Variants in WDFY4 observed in about 807,000 individuals in gnomAD.
WDFY4 encodes the protein WD repeat- and FYVE domain-containing protein 4.
Under a neutral mutation model 351.9 loss-of-function variants are expected in WDFY4, and 169 were observed. The ratio of observed to expected loss-of-function variants is 0.48; its 90% confidence interval spans 0.42 to 0.55. The LOEUF is 0.55. Ranked by LOEUF, WDFY4 falls within the 20% of genes least tolerant of loss-of-function variation. The probability of loss-of-function intolerance (pLI) is 0.00; values close to 1 mark genes in which losing one functional copy is unlikely to be tolerated. For synonymous variants in WDFY4, 1,622 were observed against 1,574.6 expected (o/e 1.03, Z -0.71); for missense variants, 3,803 against 3,935.6 (o/e 0.97, Z 0.90).
At chr10:48,748,359 C>G (rs2065075048) in intron 12 of WDFY4, among the ~76,000 whole-genome samples, 2 of 152,164 alleles carry the variant, frequency 1.3e-5, no homozygotes, top group African/African-American at 2.4e-5. Context: ...GGATAAAAAA[C>G]ATGGCCAAAG....
Position 48,821,063 on chromosome 10 carries a change from C to T in WDFY4, c.5711C>T (p.Ala1904Val), listed in dbSNP as rs1311771016. Residue 1904 changes from alanine (A) to valine (V), a missense_variant and splice_region_variant, in exon 34 of 62, where the codon GCT becomes GTT. Ala to Val is a moderately conservative substitution (Grantham distance 64). Around this residue, in one of 3 missense-constraint regions of WDFY4, gnomAD observed 3,054 missense variants for 3,148.6 expected, o/e 0.97. Transcript: ENST00000325239. ...QWLPLEVLLE[A>V]SPDHATSQQK... ...CTCAGTCCCGGGCTGTGCTTCCAGG[C>T]TTCTCCAGACCACGCCACCAGCCAA... is the stretch of plus-strand genomic sequence containing the variant. The T allele has an allele frequency of 2.6e-6, 4 of 1,551,202 alleles. No individual in the cohort carries two copies. Among genetic ancestry groups the T allele is most frequent in the Non-Finnish European group, 2.6e-6 (3 of 1,146,648 alleles).
At chr10:48,778,299 C>A (rs1176017880) in intron 17 of WDFY4, among the ~76,000 whole-genome samples, 1 of 152,240 alleles carries the variant, frequency 6.6e-6, no homozygotes, top group Non-Finnish European at 1.5e-5. Flanking sequence ...GGGCACATGG[C>A]ATTCCTAGAT....
intron 47 of WDFY4, among the ~76,000 whole-genome samples, chr10:48,940,457 A>G (rs1175750736): frequency 1.3e-5 from 2 of 152,200 alleles, no homozygotes; most frequent in Non-Finnish European, 2.9e-5. Context: ...CCAGGACAGA[A>G]GATGTGACGG....
intron 30 of WDFY4, among the ~76,000 whole-genome samples, chr10:48,812,681 A>G (rs545865535): frequency 6.6e-6 from 1 of 152,218 alleles, no homozygotes; most frequent in East Asian, 1.9e-4. Context: ...GTCTGTGCTC[A>G]CCGTATGCAC....
intron 24 of WDFY4, chr10:48,802,795 T>A (rs2067128380): frequency 4.2e-6 from 2 of 472,412 alleles, no homozygotes. Flanking sequence ...GGGTATGTAG[T>A]CAGTACAGTG....
intron 14 of WDFY4, among the ~76,000 whole-genome samples, chr10:48,775,469 AC>A (rs1411921567): frequency 6.6e-6 from 1 of 152,198 alleles, no homozygotes; most frequent in Non-Finnish European, 1.5e-5. Context: ...CTACAAATTT[AC>A]TTTGTGACAT....
chr10:48,723,561 C>A lies in WDFY4; in HGVS notation c.585C>A (p.Phe195Leu). The change falls in exon 5 of 62, where the codon TTC (phenylalanine) becomes TTA (leucine). Residue 195 changes from phenylalanine (F) to leucine (L), a missense_variant. Physicochemically the swap from Phe to Leu is conservative, Grantham distance 22. Coordinates refer to ENST00000325239, the MANE Select transcript of WDFY4 (RefSeq NM_001394531.1). ...LESDLQVQKM[F>L]VQMLLNICSD... is the part of the protein sequence containing the mutation. ...GTGATCTTCAAGTTCAAAAGATGTTCGTGCAGGTGAGTTCAAGGAGGGCCT... is the reference window on the plus strand; with the variant it reads ...GTGATCTTCAAGTTCAAAAGATGTTAGTGCAGGTGAGTTCAAGGAGGGCCT... 6.4e-7 allele frequency: 1 copy of A among 1,551,862 alleles called. No homozygotes were observed. Among genetic ancestry groups the A allele is most frequent in the South Asian group, 1.2e-5 (1 of 84,020 alleles).
intron 39 of WDFY4, among the ~76,000 whole-genome samples, chr10:48,865,361 G>A (rs1361033575): frequency 6.6e-6 from 1 of 152,172 alleles, no homozygotes; most frequent in Non-Finnish European, 1.5e-5. Context: ...ATTATGTGGT[G>A]TAGTACATTA....
At chr10:48,712,330 C>A (rs1394060325) in intron 2 of WDFY4, among the ~76,000 whole-genome samples, 2 of 152,222 alleles carry the variant, frequency 1.3e-5, no homozygotes, top group African/African-American at 4.8e-5. Context: ...ATTCCCATTA[C>A]TTTTCCACCA....
intron 15 of WDFY4, 116 bp downstream of exon 15, chr10:48,775,922 T>C: frequency 2.1e-6 from 2 of 963,150 alleles, no homozygotes; most frequent in South Asian, 3.0e-5. Context: ...CATGGTTTTG[T>C]CTGCTGCTCA....
chr10:48,729,402 A>G, intron 7 of WDFY4, 30 bp from the exon 8 acceptor site: 1 of 1,549,172 alleles, frequency 6.5e-7, no homozygotes, highest in Non-Finnish European at 8.7e-7. Context: ...TCTAGGAAGT[A>G]CAGGGAGCTG....
intron 12 of WDFY4, among the ~76,000 whole-genome samples, chr10:48,750,103 T>C (rs1336543246): frequency 6.6e-6 from 1 of 152,262 alleles, no homozygotes; most frequent in East Asian, 1.9e-4. Context: ...TCCTGCAGCT[T>C]CATCCTAATC....
rs1196161370 is a variant in WDFY4 at position 48,743,348 on chromosome 10, C to T, written c.2259C>T (p.Ser753=). ...ADLLGTAFSS[S]GSLPPRIQSC... is the part of the protein sequence containing the mutation. ...TGCTGGGCACTGCCTTTTCCTCCAG[C>T]GGCTCACTCCCACCCCGGATACAGA... Residue 753 remains serine (S), a synonymous_variant, in exon 12 of 62, where the codon AGC becomes AGT. Transcript: ENST00000325239. 3.4e-5 allele frequency: 53 copies of T among 1,551,482 alleles called. No individual in the cohort carries two copies. The highest frequency in any genetic ancestry group is 1.2e-4 in the African/African-American group (9 of 73,028).
At chr10:48,774,152 G>T (rs1006123512) in intron 13 of WDFY4, among the ~76,000 whole-genome samples, 1 of 152,258 alleles carries the variant, frequency 6.6e-6, no homozygotes, top group African/African-American at 2.4e-5. Flanking sequence ...AACACAGCAC[G>T]TCTAAGAGGC....
chr10:48,860,998 T>C (rs909068699), intron 39 of WDFY4, among the ~76,000 whole-genome samples: 3 of 152,288 alleles, frequency 2.0e-5, no homozygotes, highest in South Asian at 4.2e-4. Flanking sequence ...TTGGGTGAAG[T>C]TGGCTACCAA....
intron 39 of WDFY4, among the ~76,000 whole-genome samples, chr10:48,842,742 C>A (rs1359493300): frequency 6.6e-6 from 1 of 152,210 alleles, no homozygotes; most frequent in Non-Finnish European, 1.5e-5. Flanking sequence ...GACTTAAGTG[C>A]AAAGTCCACA....
At chr10:48,703,588 C>T (rs977036870) in intron 1 of WDFY4, among the ~76,000 whole-genome samples, 1 of 152,218 alleles carries the variant, frequency 6.6e-6, no homozygotes, top group African/African-American at 2.4e-5. Context: ...GGTCATTCCA[C>T]ATGTCTTCTT....
chr10:48,737,868 C>G (rs1041802496), intron 11 of WDFY4, among the ~76,000 whole-genome samples: 1 of 152,168 alleles, frequency 6.6e-6, no homozygotes, highest in South Asian at 2.1e-4. Context: ...GGTCCAATCT[C>G]TTAATGTTAA....
At chr10:48,787,604 G>C (rs987211159) in intron 20 of WDFY4, among the ~76,000 whole-genome samples, 9 of 152,186 alleles carry the variant, frequency 5.9e-5, no homozygotes, top group African/African-American at 1.9e-4. Context: ...TTGAAAATTA[G>C]ACATTTCAGA....
Sources: gnomAD v4.1 joint callset for allele counts (sites outside exome capture counted in the v4.1 genomes callset) on GRCh38, gnomAD v4.1.1 for gene constraint, gnomAD v4.1.1 regional missense constraint, MANE v1.5 for transcripts, NCBI Gene and HGNC (gene_info 2026-07-23, HGNC 2026-07-21) for gene names.